The following TBCK variants were observed in gnomAD, a reference collection of about 807,000 sequenced individuals.
The protein encoded by TBCK is TBC1 domain containing kinase, also known as TBC domain-containing protein kinase-like protein.
A neutral mutation model predicts 113.4 loss-of-function variants in TBCK; 99 were observed. That is an observed-to-expected ratio of 0.87 (90% CI 0.74 to 1.03). TBCK has a LOEUF of 1.03. Ranked by LOEUF, TBCK falls within the 50% of genes least tolerant of loss-of-function variation. TBCK has a pLI of 0.00. For synonymous variants in TBCK, 369 were observed against 370.8 expected (o/e 1.00, Z 0.05); for missense variants, 1,045 against 1,061.3 (o/e 0.98, Z 0.21).
intron 3 of TBCK, among the ~76,000 whole-genome samples, chr4:106,277,168 C>T (rs899095891): frequency 6.6e-5 from 10 of 151,946 alleles, no homozygotes; most frequent in African/African-American, 2.4e-4. Context: ...GTACAAATGG[C>T]TAAAAGTAAA....
intron 20 of TBCK, among the ~76,000 whole-genome samples, chr4:106,205,587 C>CAAAAAAA (rs70941240): frequency 2.3e-4 from 15 of 64,200 alleles, no homozygotes; most frequent in African/African-American, 6.6e-4. Flanking sequence ...ACTAAAAATA[C>CAAAAAAA]AAAAAAAAAA....
At chr4:106,182,884 A>G (rs1374232383) in intron 22 of TBCK, among the ~76,000 whole-genome samples, 2 of 152,126 alleles carry the variant, frequency 1.3e-5, no homozygotes, top group East Asian at 3.9e-4. Flanking sequence ...GACATAAAAT[A>G]AAATTATAGT....
In TBCK at chr4:106,236,513, AGACT is replaced by A; in HGVS notation, c.1223_1226del (p.Gln408LeufsTer20). ...TATTGCTGTTTGAATGAGGTAAATT[AGACT>A]GGCTGTAAAAGAGAACAAAAGCAAT... is the stretch of plus-strand genomic sequence containing the variant. On this transcript the variant is annotated frameshift_variant and splice_region_variant, in exon 14 of 26. Transcript: ENST00000394708. LOFTEE classifies it high-confidence loss of function. The A allele has an allele frequency of 6.5e-7, 1 of 1,531,916 alleles. No homozygotes were observed. The highest frequency in any genetic ancestry group is 8.8e-7 in the Non-Finnish European group (1 of 1,142,120). 94.9% of individuals were successfully genotyped at this position (1,531,916 alleles called of 1,614,324 possible).
At chr4:106,244,318 T>G (rs1046546907) in intron 11 of TBCK, among the ~76,000 whole-genome samples, 1 of 152,180 alleles carries the variant, frequency 6.6e-6, no homozygotes. Context: ...TTGTGACTTG[T>G]GTATTTTTCA....
chr4:106,052,298 GAGA>G (rs1046195674), intron 25 of TBCK, among the ~76,000 whole-genome samples: 4 of 151,770 alleles, frequency 2.6e-5, no homozygotes, highest in African/African-American at 9.7e-5. Flanking sequence ...GACAAGGAAG[GAGA>G]AGAACAGGTA....
intron 5 of TBCK, among the ~76,000 whole-genome samples, chr4:106,257,871 A>G (rs891399225): frequency 6.6e-6 from 1 of 152,088 alleles, no homozygotes; most frequent in Non-Finnish European, 1.5e-5. Context: ...AAATAAAAAT[A>G]AAAAATTTAA....
In TBCK at chr4:106,124,306, A is replaced by G. The variant is rs1744865366; in HGVS notation, c.2236-7928T>C. The stretch of plus-strand genomic sequence containing the variant: ...CAAATCAAAACCACAATGAGATACC[A>G]TCTCACACCAGTTAGAATGGCAATC... On this transcript the variant is annotated intron_variant, in intron 23 of 25. Transcript: ENST00000394708. Among the ~76,000 whole-genome samples, 3 of 152,334 alleles carry G rather than the reference A, an allele frequency of 2.0e-5. No homozygotes were observed. In the South Asian group the frequency reaches 6.2e-4, roughly 32 times the overall value.
intron 24 of TBCK, among the ~76,000 whole-genome samples, chr4:106,107,582 T>C (rs1348579589): frequency 1.3e-5 from 2 of 152,064 alleles, no homozygotes; most frequent in South Asian, 2.1e-4. Context: ...TCTTTTAAAG[T>C]AAAGAGAACA....
At chr4:106,194,856 T>G in intron 20 of TBCK, 102 bp from the exon 21 acceptor site, 1 of 1,058,418 alleles carries the variant, frequency 9.4e-7, no homozygotes, top group Non-Finnish European at 1.4e-6. Flanking sequence ...AGTTCTATGT[T>G]TTGGTCTACT....
chr4:106,288,203 G>T (rs1352577884), intron 3 of TBCK, among the ~76,000 whole-genome samples: 1 of 151,938 alleles, frequency 6.6e-6, no homozygotes, highest in Non-Finnish European at 1.5e-5. Context: ...CGACCAGCCT[G>T]GGCAACACGG....
chr4:106,231,519 A>T (rs1758854679), intron 18 of TBCK, among the ~76,000 whole-genome samples: 1 of 151,722 alleles, frequency 6.6e-6, no homozygotes, highest in Non-Finnish European at 1.5e-5. Context: ...AATTCCACTA[A>T]ATTTCTAGTA....
intron 3 of TBCK, among the ~76,000 whole-genome samples, chr4:106,263,488 T>C (rs1762691747): frequency 6.6e-6 from 1 of 151,856 alleles, no homozygotes; most frequent in African/African-American, 2.4e-5. Flanking sequence ...GACTAACAGA[T>C]TGCCATGGGC....
In TBCK at chr4:106,308,872, G is replaced by A. The variant is rs1767843246; in HGVS notation, c.89C>T (p.Pro30Leu). 6.2e-7 allele frequency: 1 copy of A among 1,614,034 alleles called. No individual in the cohort carries two copies. Among genetic ancestry groups the A allele is most frequent in the African/African-American group, 1.3e-5 (1 of 74,922 alleles). The change falls in exon 2 of 26, where the codon CCT (proline) becomes CTT (leucine). Residue 30 changes from proline to leucine, a missense_variant. Physicochemically the swap from Pro to Leu is moderately conservative, Grantham distance 98. Transcript: ENST00000394708. ...AATTTTGATGGAATTTGGTGTGAGAGGAAGTCCATTGCTTCCACAAACATC... is the reference window on the plus strand; with the variant it reads ...AATTTTGATGGAATTTGGTGTGAGAAGAAGTCCATTGCTTCCACAAACATC... ...PHDVCGSNGL[P>L]LTPNSIKILG...
At chr4:106,263,721 C>T (rs1341325058) in intron 3 of TBCK, among the ~76,000 whole-genome samples, 3 of 151,720 alleles carry the variant, frequency 2.0e-5, no homozygotes, top group Non-Finnish European at 4.4e-5. Context: ...ATAATTGTTG[C>T]AACCTGATTC....
chr4:106,175,725 A>G, intron 22 of TBCK, among the ~76,000 whole-genome samples: 1 of 152,038 alleles, frequency 6.6e-6, no homozygotes, highest in South Asian at 2.1e-4. Context: ...CAACCACAAC[A>G]ATGAAGAATG....
intron 25 of TBCK, among the ~76,000 whole-genome samples, chr4:106,070,610 T>C (rs1182217617): frequency 6.6e-6 from 1 of 152,084 alleles, no homozygotes; most frequent in Non-Finnish European, 1.5e-5. Context: ...CTCTTTTTTG[T>C]GTGTGTGTCT....
intron 23 of TBCK, among the ~76,000 whole-genome samples, chr4:106,132,106 G>C (rs1746014335): frequency 6.6e-6 from 1 of 152,218 alleles, no homozygotes. Flanking sequence ...AGAAATTCAA[G>C]CCAGCTGCAG....
chr4:106,205,781 A>C (rs1027830532), intron 20 of TBCK, among the ~76,000 whole-genome samples: 1 of 151,122 alleles, frequency 6.6e-6, no homozygotes, highest in South Asian at 2.1e-4. Flanking sequence ...ACAACAAAAA[A>C]AACAAAAAAA....
intron 20 of TBCK, among the ~76,000 whole-genome samples, chr4:106,210,402 T>C (rs1002824912): frequency 6.6e-6 from 1 of 152,160 alleles, no homozygotes; most frequent in African/African-American, 2.4e-5. Context: ...TTAGTGATAA[T>C]GTCCTTGGTC....
Sources: allele counts gnomAD v4.1 joint callset (sites outside exome capture counted in the v4.1 genomes callset), GRCh38; gene constraint gnomAD v4.1.1; transcripts MANE v1.5; gene names NCBI Gene and HGNC (gene_info 2026-07-23, HGNC 2026-07-21).